Variants in SULT1C3 observed in about 807,000 individuals in gnomAD.
The protein encoded by SULT1C3 is sulfotransferase family 1C member 3, also known as sulfotransferase 1C3.
In SULT1C3, 31 loss-of-function variants were observed where a neutral mutation model predicts 28.4. The observed-to-expected ratio is 1.09, with a 90% CI of 0.82 to 1.47. SULT1C3 has a LOEUF of 1.47. Ranked by LOEUF, SULT1C3 falls within the 40% of genes most tolerant of loss-of-function variation. The probability of loss-of-function intolerance (pLI) is 0.00; values close to 1 mark genes in which losing one functional copy is unlikely to be tolerated. For synonymous variants in SULT1C3, 106 were observed against 92.2 expected (o/e 1.15, Z -0.86); for missense variants, 307 against 272.5 (o/e 1.13, Z -0.89).
downstream of SULT1C3, chr2:108,265,247 G>A (rs1676107775): frequency 1.9e-6 from 3 of 1,613,310 alleles, no homozygotes; most frequent in Non-Finnish European, 2.5e-6. Context: ...AGGGATGCCT[G>A]GAGACTGGAA....
chr2:108,247,357 C>A lies in SULT1C3; in HGVS notation c.163C>A (p.Pro55Thr). 2 of 1,546,162 alleles carry A rather than the reference C, an allele frequency of 1.3e-6. No homozygotes were observed. The highest frequency in any genetic ancestry group is 1.3e-5 in the South Asian group (1 of 79,354). Reference protein sequence around the residue: ...KPDDLILATYPKSGTTWMHEI... With the variant: ...KPDDLILATYTKSGTTWMHEI... ...TGATGATCTTATTCTGGCAACTTAC[C>A]CAAAGTCAGGTAAGGGTAGCAAAAC... Residue 55 changes from proline to threonine, a missense_variant, in exon 2 of 8, where the codon CCA (proline) becomes ACA (threonine). Pro to Thr is a conservative substitution (Grantham distance 38). Transcript: ENST00000681802.
At position 108,247,252 on chromosome 2, in the gene SULT1C3, A is replaced by G; in HGVS notation, c.58A>G (p.Ile20Val). 3 of 1,593,232 alleles carry G rather than the reference A, an allele frequency of 1.9e-6. No homozygotes were observed. In the South Asian group the frequency reaches 3.5e-5, roughly 18 times the overall value. ...GGAAAAAAAGCCAGAACTGTTTAAC[A>G]TCATGGAAGTAGATGGAGTCCCTAC... Reference protein sequence around the residue: ...TMEKKPELFNIMEVDGVPTLI... With the variant: ...TMEKKPELFNVMEVDGVPTLI... Residue 20 changes from isoleucine (I) to valine (V), a missense_variant, in exon 2 of 8, where the codon ATC becomes GTC. Coordinates refer to ENST00000681802, the MANE Select transcript of SULT1C3 (RefSeq NM_001320878.2).
intron 1 of SULT1C3, among the ~76,000 whole-genome samples, chr2:108,246,908 C>T (rs1675595733): frequency 6.6e-6 from 1 of 152,048 alleles, no homozygotes; most frequent in African/African-American, 2.4e-5. Context: ...AAATCTCAGC[C>T]CCAACAGGTA....
At chr2:108,263,749 C>A (rs766899131), downstream of SULT1C3, among the ~76,000 whole-genome samples, 3 of 152,160 alleles carry the variant, frequency 2.0e-5, no homozygotes, top group Non-Finnish European at 2.9e-5. Flanking sequence ...TGCAGAAGAG[C>A]CTTCAGTGCA....
intron 5 of SULT1C3, among the ~76,000 whole-genome samples, chr2:108,256,306 C>T (rs1675866376): frequency 6.6e-6 from 1 of 152,004 alleles, no homozygotes; most frequent in Non-Finnish European, 1.5e-5. Context: ...TGGCAAGGAT[C>T]TCAAACCCTT....
At position 108,255,566 on chromosome 2, in the gene SULT1C3, T is replaced by C; in HGVS notation, c.400-6T>C. The stretch of plus-strand genomic sequence containing the variant: ...CCATGGCTTCCTTCCCTCTCCTTGA[T>C]TTCAGATTGTCTATGTGGCCAGAAA... On this transcript the variant is annotated splice_polypyrimidine_tract_variant and splice_region_variant and intron_variant, in intron 4 of 7. Coordinates refer to ENST00000681802, the MANE Select transcript of SULT1C3 (RefSeq NM_001320878.2). The C allele has an allele frequency of 6.2e-7, 1 of 1,609,608 alleles. No individual in the cohort carries two copies. Among genetic ancestry groups the C allele is most frequent in the Non-Finnish European group, 8.5e-7 (1 of 1,177,638 alleles).
intron 1 of SULT1C3, among the ~76,000 whole-genome samples, chr2:108,246,038 C>A (rs1034161226): frequency 1.3e-5 from 2 of 152,280 alleles, no homozygotes; most frequent in East Asian, 3.9e-4. Flanking sequence ...AAAAATGTCA[C>A]CATTCTCTTT....
At chr2:108,256,224 A>G (rs1329772022) in intron 5 of SULT1C3, among the ~76,000 whole-genome samples, 1 of 152,056 alleles carries the variant, frequency 6.6e-6, no homozygotes, top group Non-Finnish European at 1.5e-5. Context: ...CTTCCAGAGA[A>G]GCAGTGAACA....
intron 2 of SULT1C3, among the ~76,000 whole-genome samples, 172 bp from the exon 3 acceptor site, chr2:108,252,193 A>AGATG (rs1462746944): frequency 6.7e-6 from 1 of 149,092 alleles, no homozygotes; most frequent in African/African-American, 2.5e-5. Flanking sequence ...ATAGATGGAT[A>AGATG]GATAGATGGA....
At chr2:108,243,146 A>G (rs1283659509) in intron 1 of SULT1C3, among the ~76,000 whole-genome samples, 2 of 152,176 alleles carry the variant, frequency 1.3e-5, no homozygotes, top group African/African-American at 4.8e-5. Flanking sequence ...AAGGAGGGTA[A>G]GCAGCTTTTG....
chr2:108,263,246 T>G (rs919598623), downstream of SULT1C3, among the ~76,000 whole-genome samples: 2 of 152,130 alleles, frequency 1.3e-5, no homozygotes, highest in African/African-American at 4.8e-5. Context: ...TGTTAAGAAC[T>G]CCTTTATTAT....
chr2:108,259,186 T>C (rs577632181), intron 7 of SULT1C3, 40 bp downstream of exon 7: 11 of 286,088 alleles, frequency 3.8e-5, no homozygotes, highest in Non-Finnish European at 6.8e-5. Flanking sequence ...CTCTAAAAAA[T>C]TTTCTACCCT....
chr2:108,241,798 G>A (rs964321475), intron 1 of SULT1C3, among the ~76,000 whole-genome samples: 1 of 151,992 alleles, frequency 6.6e-6, no homozygotes, highest in Non-Finnish European at 1.5e-5. Flanking sequence ...ATGATGGCGG[G>A]TGCCTGTAGT....
chr2:108,263,213 C>T (rs1466128834), downstream of SULT1C3, among the ~76,000 whole-genome samples: 2 of 152,040 alleles, frequency 1.3e-5, no homozygotes, highest in Admixed American at 1.3e-4. Context: ...CCCAATAAAA[C>T]TTATATAATC....
In SULT1C3 at chr2:108,247,293, AG is replaced by A; in HGVS notation, c.100del (p.Glu34AsnfsTer33). 1 of 1,601,032 alleles carries A rather than the reference AG, an allele frequency of 6.2e-7. No individual in the cohort carries two copies. Among genetic ancestry groups the A allele is most frequent in the Non-Finnish European group, 8.5e-7 (1 of 1,172,768 alleles). On this transcript the variant is annotated frameshift_variant, in exon 2 of 8. Coordinates refer to ENST00000681802, the MANE Select transcript of SULT1C3 (RefSeq NM_001320878.2). LOFTEE classifies it high-confidence loss of function. ...GAGTCCCTACGTTGATATTATCAAA[AG>A]AATGGTGGGAAAAAGTATGTAATTT... ...DGVPTLILSK[E>X]WWEKVCNFQA...
At chr2:108,258,870 C>G (rs749006703) in intron 6 of SULT1C3, 42 bp downstream of exon 6, 3 of 1,475,402 alleles carry the variant, frequency 2.0e-6, no homozygotes, top group Non-Finnish European at 2.8e-6. Context: ...CAGAAACCCT[C>G]CTGACAATGT....
intron 3 of SULT1C3, 59 bp from the exon 4 acceptor site, chr2:108,253,286 T>C (rs1043412589): frequency 5.5e-6 from 6 of 1,086,244 alleles, no homozygotes; most frequent in Non-Finnish European, 7.7e-6. Flanking sequence ...ATAAATGGAA[T>C]TCAAGTATTT....
intron 4 of SULT1C3, among the ~76,000 whole-genome samples, chr2:108,253,643 C>T (rs919105691): frequency 6.6e-6 from 1 of 152,034 alleles, no homozygotes; most frequent in Non-Finnish European, 1.5e-5. Context: ...TCATTTTCCT[C>T]TAATCCTATT....
At chr2:108,246,786 A>G (rs1675592495) in intron 1 of SULT1C3, among the ~76,000 whole-genome samples, 1 of 152,184 alleles carries the variant, frequency 6.6e-6, no homozygotes, top group African/African-American at 2.4e-5. Context: ...AATTATACAA[A>G]ATAATATCTT....
Sources: gnomAD v4.1 joint callset for allele counts (sites outside exome capture counted in the v4.1 genomes callset) on GRCh38, gnomAD v4.1.1 for gene constraint, MANE v1.5 for transcripts, NCBI Gene and HGNC (gene_info 2026-07-23, HGNC 2026-07-21) for gene names.